Variants in GTF2IRD1 observed in about 807,000 individuals in gnomAD.
GTF2IRD1 encodes the protein general transcription factor II-I repeat domain-containing protein 1.
GTF2IRD1 carries 26 observed loss-of-function variants against 113.2 expected under a neutral mutation model. The ratio of observed to expected loss-of-function variants is 0.23; its 90% confidence interval spans 0.17 to 0.32. The LOEUF (loss-of-function observed/expected upper bound fraction) is 0.32. GTF2IRD1 is among the 10% of genes least tolerant of loss of function. The pLI is 1.00. For missense variants in GTF2IRD1, 864 were observed against 1,280.8 expected, an observed-to-expected ratio of 0.67 and a Z score of 4.97; for synonymous variants, 484 against 529.1, an observed-to-expected ratio of 0.91 and a Z score of 1.17.
chr7:74,551,128 G>C (rs1376168292), intron 17 of GTF2IRD1, among the ~76,000 whole-genome samples: 1 of 152,112 alleles, frequency 6.6e-6, no homozygotes, highest in African/African-American at 2.4e-5. Flanking sequence ...GATCACTTGA[G>C]TTCCAGAGTT....
intron 1 of GTF2IRD1, among the ~76,000 whole-genome samples, chr7:74,501,610 A>G (rs1285316525): frequency 2.6e-5 from 4 of 151,902 alleles, no homozygotes; most frequent in Admixed American, 1.3e-4. Context: ...AAGGGCATCT[A>G]AGGTGGTGGA....
At chr7:74,581,227 G>A (rs2130939534) in intron 22 of GTF2IRD1, among the ~76,000 whole-genome samples, 1 of 152,308 alleles carries the variant, frequency 6.6e-6, no homozygotes, top group Middle Eastern at 3.4e-3. Context: ...TCACCATGTT[G>A]GCCAGGCTGG....
chr7:74,496,998 C>CA (rs1216982808), intron 1 of GTF2IRD1, among the ~76,000 whole-genome samples: 1 of 151,724 alleles, frequency 6.6e-6, no homozygotes, highest in African/African-American at 2.4e-5. Context: ...CCCATCTCTA[C>CA]AAAAAAATTT....
At chr7:74,578,378 G>A (rs1417190132) in intron 22 of GTF2IRD1, among the ~76,000 whole-genome samples, 4 of 151,834 alleles carry the variant, frequency 2.6e-5, no homozygotes, top group African/African-American at 9.7e-5. Context: ...GGGTTTCACT[G>A]TGTTAGCCAG....
Position 74,538,696 on chromosome 7 carries a change from G to T in GTF2IRD1, c.1464G>T (p.Leu488=). ...EDCGPGTSGE[L]GGLRPIKIEP... ...TCCTTGCAGGAACCTCCGGGGAGCTGGGCGGGCTGAGGCCGATCAAAATTG... is the reference window on the plus strand; with the variant it reads ...TCCTTGCAGGAACCTCCGGGGAGCTTGGCGGGCTGAGGCCGATCAAAATTG... The change falls in exon 13 of 27, where the codon CTG becomes CTT. Residue 488 remains leucine (L), a synonymous_variant. Coordinates refer to ENST00000424337, the MANE Select transcript of GTF2IRD1 (RefSeq NM_005685.4). The T allele has an allele frequency of 6.2e-7, 1 of 1,602,568 alleles. No homozygotes were observed. The highest frequency in any genetic ancestry group is 8.6e-7 in the Non-Finnish European group (1 of 1,169,404).
At chr7:74,458,484 T>C (rs1793143486) in intron 1 of GTF2IRD1, among the ~76,000 whole-genome samples, 1 of 152,018 alleles carries the variant, frequency 6.6e-6, no homozygotes, top group Middle Eastern at 3.4e-3. Flanking sequence ...CTACCCAGGC[T>C]CCATACTCCG....
At chr7:74,523,923 A>G (rs1001776626) in intron 7 of GTF2IRD1, 148 bp from the exon 8 acceptor site, 1 of 634,512 alleles carries the variant, frequency 1.6e-6, no homozygotes, top group Non-Finnish European at 2.9e-6. Flanking sequence ...GAATTCGTGT[A>G]TGGTCCGAGG....
At chr7:74,458,589 G>A (rs1793150732) in intron 1 of GTF2IRD1, among the ~76,000 whole-genome samples, 1 of 152,072 alleles carries the variant, frequency 6.6e-6, no homozygotes, top group Non-Finnish European at 1.5e-5. Context: ...GCCTGTAGGG[G>A]GTGTGGTAAT....
rs372207864 is a variant in GTF2IRD1, at chr7:74,459,412, C to T, written c.-7+5236C>T. On this transcript the variant is annotated intron_variant, in intron 1 of 26. Transcript: ENST00000424337. Reference sequence around the variant, plus strand: ...GGTGAAGGTTGCCGTGAGCTGAGATCGTACCATTGCACTCCAGCCTGGGCG... The same window carrying T: ...GGTGAAGGTTGCCGTGAGCTGAGATTGTACCATTGCACTCCAGCCTGGGCG... 4.6e-5 allele frequency among the ~76,000 whole-genome samples: 7 copies of T among 151,780 alleles called. No individual in the cohort carries two copies. In the East Asian group the frequency reaches 7.7e-4, roughly 17 times the overall value.
intron 1 of GTF2IRD1, among the ~76,000 whole-genome samples, chr7:74,505,290 A>G (rs1476438255): frequency 6.6e-6 from 1 of 152,126 alleles, no homozygotes; most frequent in Non-Finnish European, 1.5e-5. Flanking sequence ...CCTGGGTCTC[A>G]TCTTCCCCCG....
intron 1 of GTF2IRD1, among the ~76,000 whole-genome samples, chr7:74,466,698 T>G (rs1554330900): frequency 6.6e-6 from 1 of 152,102 alleles, no homozygotes; most frequent in Non-Finnish European, 1.5e-5. Context: ...TAGGTGCCTC[T>G]TGTCTGTGTC....
At chr7:74,483,844 G>T (rs1439448675) in intron 1 of GTF2IRD1, among the ~76,000 whole-genome samples, 1 of 151,056 alleles carries the variant, frequency 6.6e-6, no homozygotes, top group Non-Finnish European at 1.5e-5. Context: ...GGCAGAGCAA[G>T]ACTCTGTCTC....
At chr7:74,551,644 A>T (rs1165247134) in intron 17 of GTF2IRD1, among the ~76,000 whole-genome samples, 2 of 152,018 alleles carry the variant, frequency 1.3e-5, no homozygotes, top group African/African-American at 4.8e-5. Context: ...GTGCATAAAG[A>T]GTGTGGGAGC....
chr7:74,528,869 A>G (rs1352534775), intron 8 of GTF2IRD1, among the ~76,000 whole-genome samples: 1 of 101,748 alleles, frequency 9.8e-6, no homozygotes, highest in East Asian at 3.5e-4. Flanking sequence ...ATGAATGGGC[A>G]GATGGATGGA....
intron 1 of GTF2IRD1, among the ~76,000 whole-genome samples, chr7:74,480,320 C>CGTGT (rs1338635432): frequency 6.6e-6 from 1 of 152,014 alleles, no homozygotes; most frequent in Non-Finnish European, 1.5e-5. Context: ...ATTGTCCCCA[C>CGTGT]GTGTGTGTGT....
intron 22 of GTF2IRD1, 134 bp from the exon 23 acceptor site, chr7:74,589,717 C>A: frequency 1.2e-5 from 6 of 494,414 alleles, no homozygotes; most frequent in East Asian, 3.7e-5. Flanking sequence ...AAAAAAAAAA[C>A]AGCTATATAG....
At chr7:74,461,147 G>T (rs1348926847) in intron 1 of GTF2IRD1, among the ~76,000 whole-genome samples, 2 of 152,330 alleles carry the variant, frequency 1.3e-5, no homozygotes, top group East Asian at 1.9e-4. Flanking sequence ...CCACAGCATG[G>T]GTGTGTGGGA....
chr7:74,457,786 A>G (rs535543201), intron 1 of GTF2IRD1, among the ~76,000 whole-genome samples: 1 of 152,036 alleles, frequency 6.6e-6, no homozygotes, highest in South Asian at 2.1e-4. Context: ...GCTTCAGGGG[A>G]CACCCATGGA....
intron 6 of GTF2IRD1, among the ~76,000 whole-genome samples, chr7:74,520,840 TAC>T (rs1316904236): frequency 1.8e-3 from 177 of 100,058 alleles, no homozygotes; most frequent in African/African-American, 6.9e-3. Flanking sequence ...AAGTTATATA[TAC>T]TATTATTATT....
Sources: allele counts gnomAD v4.1 joint callset (sites outside exome capture counted in the v4.1 genomes callset), GRCh38; gene constraint gnomAD v4.1.1; transcripts MANE v1.5; gene names NCBI Gene and HGNC (gene_info 2026-07-23, HGNC 2026-07-21).